SLIT3: variants seen among roughly 807,000 people sequenced by gnomAD.
The protein encoded by SLIT3 is slit guidance ligand 3, also known as slit homolog 3 protein.
In SLIT3, 68 loss-of-function variants were observed where a neutral mutation model predicts 184.0. The observed-to-expected ratio is 0.37, with a 90% CI of 0.30 to 0.45. The LOEUF (loss-of-function observed/expected upper bound fraction) is 0.45. Ranked by LOEUF, SLIT3 falls within the 20% of genes least tolerant of loss-of-function variation. SLIT3 has a pLI of 1.00. For synonymous variants in SLIT3, 831 were observed against 828.6 expected (o/e 1.00, Z -0.05); for missense variants, 1,707 against 2,026.0 (o/e 0.84, Z 3.02).
chr5:168,693,520 GGCAGGACA>G (rs1345301510), intron 28 of SLIT3, among the ~76,000 whole-genome samples: 1 of 152,196 alleles, frequency 6.6e-6, no homozygotes, highest in Non-Finnish European at 1.5e-5. Flanking sequence ...AGGGCGGTAA[GGCAGGACA>G]GCAGCTCCCA....
intron 3 of SLIT3, among the ~76,000 whole-genome samples, chr5:169,237,820 T>C (rs980804141): frequency 6.6e-6 from 1 of 152,210 alleles, no homozygotes; most frequent in Non-Finnish European, 1.5e-5. Flanking sequence ...TATAAATTCT[T>C]TATCAGATAC....
intron 3 of SLIT3, among the ~76,000 whole-genome samples, chr5:169,238,880 T>G (rs1765296122): frequency 6.6e-6 from 1 of 152,144 alleles, no homozygotes; most frequent in Admixed American, 6.6e-5. Context: ...AGAACTCTCT[T>G]CTATATTTTG....
chr5:169,159,029 T>C (rs1201750916), intron 4 of SLIT3, among the ~76,000 whole-genome samples: 1 of 152,204 alleles, frequency 6.6e-6, no homozygotes, highest in Non-Finnish European at 1.5e-5. Flanking sequence ...ATGCCTGTAA[T>C]CCCAGTGCTT....
Position 168,988,773 on chromosome 5 carries a change from A to ACC in SLIT3, c.414-105439_414-105438dup, listed in dbSNP as rs113631292. Among the ~76,000 whole-genome samples, 856 of 146,188 alleles carry ACC rather than the reference A, an allele frequency of 5.9e-3. 9 individuals are homozygous for ACC. The highest frequency in any genetic ancestry group is 0.02 in the African/African-American group (814 of 39,774). On this transcript the variant is annotated intron_variant, in intron 4 of 35. Transcript: ENST00000519560. Reference sequence around the variant, plus strand: ...ACACTGGAGGAGAATCAACTAGGAGACCCCCCCCCAGGGGCAGGCAGCACT... The same window carrying ACC: ...ACACTGGAGGAGAATCAACTAGGAGACCCCCCCCCCCAGGGGCAGGCAGCACT...
At chr5:169,054,584 C>T (rs1214576219) in intron 4 of SLIT3, among the ~76,000 whole-genome samples, 1 of 152,072 alleles carries the variant, frequency 6.6e-6, no homozygotes, top group African/African-American at 2.4e-5. Flanking sequence ...CAAAACGCAA[C>T]CCTAAGTCCC....
chr5:169,232,474 C>T (rs1479100262), intron 3 of SLIT3, among the ~76,000 whole-genome samples: 1 of 152,206 alleles, frequency 6.6e-6, no homozygotes, highest in East Asian at 1.9e-4. Context: ...ATCCACTCAC[C>T]TCAGCCTCCC....
At chr5:169,164,910 C>T (rs961585384) in intron 4 of SLIT3, among the ~76,000 whole-genome samples, 2 of 152,234 alleles carry the variant, frequency 1.3e-5, no homozygotes, top group African/African-American at 4.8e-5. Flanking sequence ...CAGAAGATAC[C>T]CTGCCGTTGG....
At chr5:168,778,137 G>A (rs1755824687) in intron 12 of SLIT3, among the ~76,000 whole-genome samples, 1 of 152,186 alleles carries the variant, frequency 6.6e-6, no homozygotes, top group South Asian at 2.1e-4. Context: ...TAACTGCTGT[G>A]TGAAATGATA....
At chr5:169,113,846 G>A in intron 4 of SLIT3, among the ~76,000 whole-genome samples, 1 of 151,848 alleles carries the variant, frequency 6.6e-6, no homozygotes, top group East Asian at 1.9e-4. Flanking sequence ...AGTAGAGGCG[G>A]GGTTTCACCA....
At chr5:169,160,164 G>T (rs563324309) in intron 4 of SLIT3, among the ~76,000 whole-genome samples, 4 of 152,190 alleles carry the variant, frequency 2.6e-5, no homozygotes, top group African/African-American at 9.7e-5. Context: ...CCAAAGAGTT[G>T]TACTTACTGA....
At chr5:169,190,142 G>A (rs1031974559) in intron 4 of SLIT3, among the ~76,000 whole-genome samples, 2 of 152,138 alleles carry the variant, frequency 1.3e-5, no homozygotes, top group Admixed American at 1.3e-4. Flanking sequence ...TGATTGGCTG[G>A]GACATGGGCA....
At chr5:168,848,278 A>C (rs1048651974) in intron 5 of SLIT3, among the ~76,000 whole-genome samples, 4 of 152,228 alleles carry the variant, frequency 2.6e-5, no homozygotes, top group African/African-American at 9.6e-5. Flanking sequence ...AGTGACGACA[A>C]TAAAGACTGA....
At chr5:168,820,231 A>G (rs1581115745) in intron 7 of SLIT3, among the ~76,000 whole-genome samples, 2 of 152,188 alleles carry the variant, frequency 1.3e-5, no homozygotes, top group East Asian at 1.9e-4. Flanking sequence ...GGTGGCCTCC[A>G]TAGGCTCCTG....
intron 4 of SLIT3, among the ~76,000 whole-genome samples, chr5:168,927,840 C>T (rs111315903): frequency 2.0e-5 from 3 of 152,240 alleles, no homozygotes; most frequent in African/African-American, 7.2e-5. Flanking sequence ...TTACATACTG[C>T]AGGACTGGGT....
At chr5:168,707,310 CG>C (rs1762402635) in intron 26 of SLIT3, 1 of 152,742 alleles carries the variant, frequency 6.5e-6, no homozygotes. Context: ...AGTCTGTACT[CG>C]GTAGGTGCTG....
intron 20 of SLIT3, among the ~76,000 whole-genome samples, chr5:168,728,458 C>A (rs933632410): frequency 6.6e-6 from 1 of 151,828 alleles, no homozygotes; most frequent in African/African-American, 2.4e-5. Flanking sequence ...AGCAACAGAT[C>A]CCAATCAAAA....
chr5:168,896,107 T>C (rs1441679773), intron 4 of SLIT3, among the ~76,000 whole-genome samples: 3 of 152,206 alleles, frequency 2.0e-5, no homozygotes, highest in Non-Finnish European at 4.4e-5. Flanking sequence ...GCCCAAGCCA[T>C]ACTTTTCTTG....
intron 1 of SLIT3, among the ~76,000 whole-genome samples, chr5:169,254,139 G>A (rs1408902749): frequency 1.3e-5 from 2 of 152,178 alleles, no homozygotes; most frequent in Non-Finnish European, 2.9e-5. Context: ...TACATTCTCT[G>A]GGCCTGCATG....
intron 32 of SLIT3, among the ~76,000 whole-genome samples, chr5:168,674,489 C>CTTTTTTTTT (rs141548947): frequency 8.3e-6 from 1 of 119,902 alleles, no homozygotes; most frequent in African/African-American, 3.2e-5. Flanking sequence ...GGGATATTCA[C>CTTTTTTTTT]TTTTTTTTTT....
Sources: allele counts gnomAD v4.1 joint callset (sites outside exome capture counted in the v4.1 genomes callset), GRCh38; gene constraint gnomAD v4.1.1; transcripts MANE v1.5; gene names NCBI Gene and HGNC (gene_info 2026-07-23, HGNC 2026-07-21).